Variants in AUTS2 observed in about 807,000 individuals in gnomAD.
AUTS2 encodes autism susceptibility gene 2 protein.
In AUTS2, 17 loss-of-function variants were observed where a neutral mutation model predicts 112.4. The ratio of observed to expected loss-of-function variants is 0.15; its 90% CI spans 0.10 to 0.23. The LOEUF is 0.23. Among genes scored for constraint, AUTS2 ranks in the 10% least tolerant of loss-of-function variants. The pLI is 1.00. For missense variants in AUTS2, 1,510 were observed against 1,701.6 expected, an observed-to-expected ratio of 0.89 and a Z score of 1.98; for synonymous variants, 751 against 702.7, an observed-to-expected ratio of 1.07 and a Z score of -1.09.
At chr7:69,974,782 A>G (rs1050604056) in intron 2 of AUTS2, among the ~76,000 whole-genome samples, 6 of 152,194 alleles carry the variant, frequency 3.9e-5, no homozygotes, top group African/African-American at 1.2e-4. Context: ...ACCAAAAAAT[A>G]ATGTTTTACC....
intron 1 of AUTS2, among the ~76,000 whole-genome samples, chr7:69,652,966 G>C (rs1795358665): frequency 6.6e-6 from 1 of 152,196 alleles, no homozygotes; most frequent in South Asian, 2.1e-4. Context: ...GGTTCGTAGT[G>C]CTTTAGCTAG....
intron 1 of AUTS2, among the ~76,000 whole-genome samples, chr7:69,676,110 G>C (rs892512020): frequency 2.0e-5 from 3 of 152,122 alleles, no homozygotes; most frequent in African/African-American, 7.2e-5. Flanking sequence ...CTGGTGTTCA[G>C]AAATATCTCC....
intron 4 of AUTS2, among the ~76,000 whole-genome samples, chr7:70,205,915 G>A (rs759595661): frequency 1.3e-5 from 2 of 152,202 alleles, no homozygotes; most frequent in Non-Finnish European, 2.9e-5. Context: ...ACTTCTTAGA[G>A]GAGGTAGCAG....
chr7:70,618,778 A>G (rs1223106441), intron 5 of AUTS2, among the ~76,000 whole-genome samples: 1 of 152,144 alleles, frequency 6.6e-6, no homozygotes, highest in Admixed American at 6.5e-5. Flanking sequence ...GAGCAAGAGA[A>G]AAAAAAGAGA....
chr7:69,791,272 T>G (rs918171073), intron 1 of AUTS2, among the ~76,000 whole-genome samples: 1 of 152,160 alleles, frequency 6.6e-6, no homozygotes, highest in African/African-American at 2.4e-5. Flanking sequence ...ACTTGGCGAG[T>G]GACCTCCAAT....
intron 6 of AUTS2, among the ~76,000 whole-genome samples, chr7:70,703,829 C>T (rs1363298175): frequency 1.3e-5 from 2 of 152,152 alleles, no homozygotes; most frequent in Non-Finnish European, 2.9e-5. Context: ...CTTCTTTGTA[C>T]TATTTCAGAG....
intron 1 of AUTS2, among the ~76,000 whole-genome samples, chr7:69,762,385 C>T (rs1306590907): frequency 6.8e-6 from 1 of 146,834 alleles, no homozygotes; most frequent in Non-Finnish European, 1.5e-5. Flanking sequence ...CGGTTCACTG[C>T]AGCCTCTGCC....
chr7:70,424,842 C>T (rs182359780), intron 4 of AUTS2, among the ~76,000 whole-genome samples: 1 of 152,162 alleles, frequency 6.6e-6, no homozygotes, highest in Non-Finnish European at 1.5e-5. Flanking sequence ...CCGCCTCAGT[C>T]TTCCAAAGTT....
At chr7:69,664,788 A>G (rs532436634) in intron 1 of AUTS2, among the ~76,000 whole-genome samples, 2 of 152,342 alleles carry the variant, frequency 1.3e-5, no homozygotes, top group South Asian at 2.1e-4. Flanking sequence ...TAACATGGCA[A>G]GAATACATTT....
intron 4 of AUTS2, among the ~76,000 whole-genome samples, chr7:70,236,045 C>T (rs540770878): frequency 3.9e-5 from 6 of 152,286 alleles, no homozygotes; most frequent in Middle Eastern, 3.4e-3. Context: ...TTCGATATAA[C>T]ATTTTATATT....
intron 4 of AUTS2, among the ~76,000 whole-genome samples, chr7:70,219,220 G>A (rs1487849941): frequency 6.6e-6 from 1 of 152,192 alleles, no homozygotes; most frequent in Non-Finnish European, 1.5e-5. Context: ...CTCATTGCTA[G>A]TGATACATTT....
rs558868741 is a variant in AUTS2 at position 70,490,335 on chromosome 7, A to G, written c.690+54554A>G. ...TACCAATTCACCAAGAATGAAGAAG[A>G]TGTTATCAGTGCAGATCTTACAGAC... is the stretch of plus-strand genomic sequence containing the variant. On this transcript the variant is annotated intron_variant, in intron 5 of 18. Transcript: ENST00000342771. Among the ~76,000 whole-genome samples the G allele has an allele frequency of 2.0e-5, 3 of 152,156 alleles. No homozygotes were observed. In the South Asian group the frequency reaches 6.2e-4, roughly 32 times the overall value.
At chr7:69,941,874 C>A (rs1287836171) in intron 2 of AUTS2, among the ~76,000 whole-genome samples, 1 of 152,108 alleles carries the variant, frequency 6.6e-6, no homozygotes, top group African/African-American at 2.4e-5. Context: ...TGCTATCTTC[C>A]TGACTCAGGG....
At chr7:70,077,606 C>T (rs1306390596) in intron 2 of AUTS2, among the ~76,000 whole-genome samples, 1 of 152,142 alleles carries the variant, frequency 6.6e-6, no homozygotes, top group African/African-American at 2.4e-5. Context: ...GATCCTGGTT[C>T]CATAATGAAA....
chr7:69,971,113 G>A (rs1208381870), intron 2 of AUTS2, among the ~76,000 whole-genome samples: 2 of 152,136 alleles, frequency 1.3e-5, no homozygotes, highest in Non-Finnish European at 2.9e-5. Flanking sequence ...GGGAGGTCGA[G>A]GCTGCAGTGG....
chr7:70,599,777 C>T (rs1326295567), intron 5 of AUTS2, among the ~76,000 whole-genome samples: 1 of 152,188 alleles, frequency 6.6e-6, no homozygotes, highest in Non-Finnish European at 1.5e-5. Context: ...GGAAGCTACA[C>T]AGCTAGGTCA....
At chr7:70,566,584 C>CT (rs1166501464) in intron 5 of AUTS2, among the ~76,000 whole-genome samples, 5 of 152,080 alleles carry the variant, frequency 3.3e-5, no homozygotes, top group Admixed American at 1.3e-4. Context: ...TGGTTCAGGT[C>CT]TGTTGTTCAT....
At position 70,451,949 on chromosome 7, in the gene AUTS2, G is replaced by A. The variant is rs149926580; in HGVS notation, c.690+16168G>A. On this transcript the variant is annotated intron_variant, in intron 5 of 18. Coordinates refer to ENST00000342771, the MANE Select transcript of AUTS2 (RefSeq NM_015570.4). The stretch of plus-strand genomic sequence containing the variant: ...GCTCTGAGAGGTCTGGTTCTGAGGG[G>A]CTCTGTGGGAGTAAGACAGCATGAG... Among the ~76,000 whole-genome samples the A allele has an allele frequency of 4.3e-4, 66 of 152,260 alleles. 1 individual carries two copies. The East Asian group carries it at 0.012, about 28-fold the overall frequency.
At chr7:69,948,785 T>TC (rs1796916053) in intron 2 of AUTS2, among the ~76,000 whole-genome samples, 1 of 120,284 alleles carries the variant, frequency 8.3e-6, no homozygotes, top group South Asian at 2.4e-4. Context: ...TTTATTTATT[T>TC]ATTTATTTAT....
Sources: allele counts gnomAD v4.1 joint callset (sites outside exome capture counted in the v4.1 genomes callset), GRCh38; gene constraint gnomAD v4.1.1; transcripts MANE v1.5; gene names NCBI Gene and HGNC (gene_info 2026-07-23, HGNC 2026-07-21).